Variants in EEF1G observed in about 807,000 individuals in gnomAD.
EEF1G encodes elongation factor 1-gamma.
A neutral mutation model predicts 58.3 loss-of-function variants in EEF1G; 14 were observed. That is an observed-to-expected ratio of 0.24 (90% CI 0.16 to 0.38). EEF1G has a LOEUF of 0.38. Among genes scored for constraint, EEF1G ranks in the 10% least tolerant of loss-of-function variants. The pLI is 1.00. For missense variants in EEF1G, 322 were observed against 550.1 expected (o/e 0.59, Z 4.15); for synonymous variants, 180 against 206.8 (o/e 0.87, Z 1.11).
At chr11:62,566,704 G>A in intron 7 of EEF1G, 102 bp downstream of exon 7, 2 of 1,098,142 alleles carry the variant, frequency 1.8e-6, no homozygotes, top group Non-Finnish European at 1.3e-6. Context: ...ACTTTATATG[G>A]ACAACCTAAA....
At position 62,560,360 on chromosome 11, in the gene EEF1G, C is replaced by T. The variant is rs779116430; in HGVS notation, c.952G>A (p.Gly318Ser). The T allele has an allele frequency of 9.3e-6, 15 of 1,608,874 alleles. No individual in the cohort carries two copies. The highest frequency in any genetic ancestry group is 1.7e-5 in the Admixed American group (1 of 59,014). ...PYFWEHFDKD[G>S]WSLWYSEYRF... Reference sequence around the variant, plus strand: ...TACTCTGAGTACCACAGGGACCAGCCGTCCTTATCAAAGTGCTCCCAGAAA... The same window carrying T: ...TACTCTGAGTACCACAGGGACCAGCTGTCCTTATCAAAGTGCTCCCAGAAA... The change falls in exon 8 of 10, where the codon GGC becomes AGC. Residue 318 changes from glycine to serine, a missense_variant. Physicochemically the swap from Gly to Ser is moderately conservative, Grantham distance 56 (BLOSUM62 0). Around this residue, in one of 3 missense-constraint regions of EEF1G, gnomAD observed 208 missense variants for 323.7 expected, o/e 0.64. Coordinates refer to ENST00000329251, the MANE Select transcript of EEF1G (RefSeq NM_001404.5).
intron 9 of EEF1G, 101 bp from the exon 10 acceptor site, chr11:62,559,938 T>G (rs887817721): frequency 8.7e-6 from 14 of 1,606,752 alleles, no homozygotes; most frequent in Admixed American, 1.7e-5. Flanking sequence ...AGGTCTCCTG[T>G]GAACATGAAC....
chr11:62,570,037 ATC>A (rs1202804367), intron 5 of EEF1G, among the ~76,000 whole-genome samples: 1 of 151,774 alleles, frequency 6.6e-6, no homozygotes, highest in Non-Finnish European at 1.5e-5. Flanking sequence ...TTGAACCTGT[ATC>A]TGTCTCCAAA....
Position 62,567,469 on chromosome 11 carries a change from G to A in EEF1G, c.582C>T (p.Cys194=). 1.4e-5 allele frequency: 22 copies of A among 1,612,436 alleles called. No homozygotes were observed. The highest frequency in any genetic ancestry group is 1.7e-5 in the Non-Finnish European group (20 of 1,179,220). ...CAGCCCGGAACTGGGGCTGGTTAATGCAGGTGAGGAACCAGCGGTTGGTAT... is the reference window on the plus strand; with the variant it reads ...CAGCCCGGAACTGGGGCTGGTTAATACAGGTGAGGAACCAGCGGTTGGTAT... The part of the protein sequence containing the change: ...FPNTNRWFLT[C]INQPQFRAVL... The change falls in exon 6 of 10, where the codon TGC becomes TGT. Residue 194 remains cysteine (C), a synonymous_variant. Transcript: ENST00000329251.
Position 62,559,767 on chromosome 11 carries a change from G to T in EEF1G, c.1226C>A (p.Thr409Asn). 6.2e-7 allele frequency: 1 copy of T among 1,613,992 alleles called. No individual in the cohort carries two copies. The highest frequency in any genetic ancestry group is 8.5e-7 in the Non-Finnish European group (1 of 1,179,900). Residue 409 changes from threonine (T) to asparagine (N), a missense_variant, in exon 10 of 10, where the codon ACC becomes AAC. Thr to Asn is a moderately conservative substitution (Grantham distance 65, BLOSUM62 0). Around this residue, in one of 3 missense-constraint regions of EEF1G, gnomAD observed 208 missense variants for 323.7 expected, o/e 0.64. Transcript: ENST00000329251. ...AAAGTACTCTCGAACCAGCGTCTGG[G>T]TCTCCTCGCTGCCAGGATCCAGTTT... is the stretch of plus-strand genomic sequence containing the variant. ...WRKLDPGSEE[T>N]QTLVREYFSW...
At chr11:62,568,103 C>T (rs1405716133) in intron 5 of EEF1G, among the ~76,000 whole-genome samples, 1 of 151,392 alleles carries the variant, frequency 6.6e-6, no homozygotes, top group African/African-American at 2.4e-5. Context: ...TGGCGGGCAG[C>T]TGTAGTCCCA....
chr11:62,561,523 A>AG (rs1941493581), intron 7 of EEF1G, among the ~76,000 whole-genome samples: 1 of 150,462 alleles, frequency 6.6e-6, no homozygotes, highest in East Asian at 2.0e-4. Context: ...AAAAAAAAAA[A>AG]AAAAAAATTG....
At chr11:62,564,661 C>T (rs182558454) in intron 7 of EEF1G, among the ~76,000 whole-genome samples, 1 of 144,658 alleles carries the variant, frequency 6.9e-6, no homozygotes, top group East Asian at 2.1e-4. Flanking sequence ...ACTCAAGAGG[C>T]TGAAGCAGAA....
intron 7 of EEF1G, among the ~76,000 whole-genome samples, chr11:62,561,304 G>A (rs928373487): frequency 5.3e-5 from 8 of 151,942 alleles, no homozygotes; most frequent in South Asian, 2.1e-4. Flanking sequence ...GCTTGAACCC[G>A]AGAGGCAGAG....
chr11:62,565,378 C>T (rs1300038927), intron 7 of EEF1G, among the ~76,000 whole-genome samples: 3 of 151,876 alleles, frequency 2.0e-5, no homozygotes, highest in Non-Finnish European at 4.4e-5. Context: ...AAAGTAAAAC[C>T]CTGTTTCCAA....
chr11:62,569,911 T>C (rs1369303956), intron 5 of EEF1G, among the ~76,000 whole-genome samples: 1 of 152,188 alleles, frequency 6.6e-6, no homozygotes, highest in Non-Finnish European at 1.5e-5. Context: ...CCCAATAACC[T>C]TGACAGTGAT....
At chr11:62,570,282 G>A (rs745490707) in intron 5 of EEF1G, among the ~76,000 whole-genome samples, 18 of 151,982 alleles carry the variant, frequency 1.2e-4, no homozygotes, top group Non-Finnish European at 2.4e-4. Flanking sequence ...GGATGGTCTC[G>A]AACTCCTGAC....
chr11:62,572,787 C>T (rs767426196), intron 1 of EEF1G, 45 bp from the exon 2 acceptor site: 2 of 1,562,186 alleles, frequency 1.3e-6, no homozygotes, highest in East Asian at 4.5e-5. Flanking sequence ...AGAAGGGTCC[C>T]AGTCCTTAAT....
rs1162579113 is a variant in EEF1G, at chr11:62,559,676, T to C, written c.*3A>G. Reference sequence around the variant, plus strand: ...CAGGCAGCTAGGTGATGGCAAGAGATGTTCACTTGAAGATCTTGCCCTGAT... The same window carrying C: ...CAGGCAGCTAGGTGATGGCAAGAGACGTTCACTTGAAGATCTTGCCCTGAT... On this transcript the variant is annotated 3_prime_UTR_variant, in exon 10 of 10. Coordinates refer to ENST00000329251, the MANE Select transcript of EEF1G (RefSeq NM_001404.5). 2 of 1,613,804 alleles carry C rather than the reference T, an allele frequency of 1.2e-6. No individual in the cohort carries two copies. Among genetic ancestry groups the C allele is most frequent in the Admixed American group, 1.7e-5 (1 of 60,008 alleles).
intron 5 of EEF1G, among the ~76,000 whole-genome samples, chr11:62,568,973 CA>C (rs71458422): frequency 1.5e-3 from 193 of 132,462 alleles, no homozygotes; most frequent in African/African-American, 2.7e-3. Context: ...GACTTCGTCT[CA>C]AAAAAAAAAA....
Position 62,571,885 on chromosome 11 carries a change from C to T in EEF1G, c.188G>A (p.Gly63Asp), listed in dbSNP as rs764076137. Residue 63 changes from glycine to aspartate, a missense_variant, in exon 3 of 10, where the codon GGT becomes GAT. Coordinates refer to ENST00000329251, the MANE Select transcript of EEF1G (RefSeq NM_001404.5). Reference protein sequence around the residue: ...FPAGKVPAFEGDDGFCVFESN... With the variant: ...FPAGKVPAFEDDDGFCVFESN... ...CTCAAACACACAGAATCCATCATCA[C>T]CCTCAAATGCTGGGACCTGGGGACA... 1.3e-6 allele frequency: 2 copies of T among 1,582,490 alleles called. No homozygotes were observed. The highest frequency in any genetic ancestry group is 1.2e-5 in the South Asian group (1 of 86,088).
Position 62,560,210 on chromosome 11 carries a change from G to A in EEF1G, c.1031-17C>T. ...GGAACATTCCTGAAGCGGCAAGGGA[G>A]AACATTCAGCCTTTGGAATCACAGC... On this transcript the variant is annotated splice_polypyrimidine_tract_variant and intron_variant, in intron 8 of 9. Coordinates refer to ENST00000329251, the MANE Select transcript of EEF1G (RefSeq NM_001404.5). 1 of 1,614,018 alleles carries A rather than the reference G, an allele frequency of 6.2e-7. No homozygotes were observed. The highest frequency in any genetic ancestry group is 1.1e-5 in the South Asian group (1 of 91,058).
chr11:62,571,432 C>T, intron 4 of EEF1G, 108 bp downstream of exon 4: 2 of 1,447,476 alleles, frequency 1.4e-6, no homozygotes, highest in Admixed American at 2.5e-5. Flanking sequence ...TTCTCATTGC[C>T]TACATATCCT....
rs936366211 is a variant in EEF1G at position 62,571,665 on chromosome 11, G to A, written c.253C>T (p.Arg85Trp). 5 of 1,586,856 alleles carry A rather than the reference G, an allele frequency of 3.2e-6. No homozygotes were observed. The highest frequency in any genetic ancestry group is 1.8e-5 in the Admixed American group (1 of 56,028). Reference sequence around the variant, plus strand: ...GCTGCTGCCTCTGGAGTACTTCCCCGCAGCTCCTCATTGCTCACTGCAGAG... The same window carrying A: ...GCTGCTGCCTCTGGAGTACTTCCCCACAGCTCCTCATTGCTCACTGCAGAG... ...IAYYVSNEEL[R>W]GSTPEAAAQV... The change falls in exon 4 of 10, where the codon CGG becomes TGG. Residue 85 changes from arginine (R) to tryptophan (W), a missense_variant. Around this residue, in one of 3 missense-constraint regions of EEF1G, gnomAD observed 52 missense variants for 139.4 expected, o/e 0.37. Coordinates refer to ENST00000329251, the MANE Select transcript of EEF1G (RefSeq NM_001404.5).
Sources: allele counts gnomAD v4.1 joint callset (sites outside exome capture counted in the v4.1 genomes callset), GRCh38; gene constraint gnomAD v4.1.1; regional missense constraint gnomAD v4.1.1; transcripts MANE v1.5; gene names NCBI Gene and HGNC (gene_info 2026-07-23, HGNC 2026-07-21).